AKAP6: variants seen among roughly 807,000 people sequenced by gnomAD.
AKAP6 encodes the protein A-kinase anchor protein 6.
In AKAP6, 58 loss-of-function variants were observed where a neutral mutation model predicts 188.5. The ratio of observed to expected loss-of-function variants is 0.31; its 90% confidence interval spans 0.25 to 0.38. The LOEUF (loss-of-function observed/expected upper bound fraction) is 0.38. AKAP6 is among the 10% of genes least tolerant of loss of function. The pLI is 1.00. For missense variants in AKAP6, 2,710 were observed against 2,740.0 expected (o/e 0.99, Z 0.24); for synonymous variants, 989 against 998.6 (o/e 0.99, Z 0.18).
At chr14:32,536,647 C>A (rs1882691308) in intron 3 of AKAP6, among the ~76,000 whole-genome samples, 1 of 152,074 alleles carries the variant, frequency 6.6e-6, no homozygotes, top group Admixed American at 6.6e-5. Context: ...GAATATTATA[C>A]AAAATATATT....
chr14:32,583,343 T>TCCGGAAGTTTTGTCTCAGAGGAGTA (rs1209558104), intron 5 of AKAP6, among the ~76,000 whole-genome samples: 1 of 152,172 alleles, frequency 6.6e-6, no homozygotes, highest in African/African-American at 2.4e-5. Context: ...TGATCGTTCC[T>TCCGGAAGTTTTGTCTCAGAGGAGTA]CCGGAAGTTT....
In AKAP6 at chr14:32,823,183, CT is replaced by C. The variant is rs1413180412; in HGVS notation, c.5372del (p.Leu1791Ter). On this transcript the variant is annotated frameshift_variant, in exon 13 of 14. Coordinates refer to ENST00000280979, the MANE Select transcript of AKAP6 (RefSeq NM_004274.5). LOFTEE classifies it high-confidence loss of function. ...ATGATGAAATTTATGAAGACTGCAC[CT>C]TGATGTCAGGGCTAGACTACATAAA... ...TDDEIYEDCT[L>X]MSGLDYIKNE... 2 of 1,613,574 alleles carry C rather than the reference CT, an allele frequency of 1.2e-6. No individual in the cohort carries two copies. The highest frequency in any genetic ancestry group is 1.7e-6 in the Non-Finnish European group (2 of 1,179,874).
At chr14:32,371,328 T>G (rs1887999590) in intron 1 of AKAP6, among the ~76,000 whole-genome samples, 1 of 152,180 alleles carries the variant, frequency 6.6e-6, no homozygotes, top group Non-Finnish European at 1.5e-5. Flanking sequence ...TTAACATGTT[T>G]GTATGTTTGG....
chr14:32,740,638 A>G (rs146475423), intron 11 of AKAP6, among the ~76,000 whole-genome samples: 6 of 152,090 alleles, frequency 3.9e-5, no homozygotes, highest in Non-Finnish European at 7.4e-5. Flanking sequence ...TGTCTCTTCC[A>G]CAGTGTATGT....
At chr14:32,707,386 A>C (rs1376683867) in intron 9 of AKAP6, among the ~76,000 whole-genome samples, 1 of 152,080 alleles carries the variant, frequency 6.6e-6, no homozygotes, top group Non-Finnish European at 1.5e-5. Flanking sequence ...TCATTACAAC[A>C]GTATTATCCC....
Position 32,660,296 on chromosome 14 carries a change from T to G in AKAP6, c.2731-18015T>G, listed in dbSNP as rs113619326. Among the ~76,000 whole-genome samples the G allele has an allele frequency of 5.5e-3, 835 of 152,208 alleles. 8 individuals carry two copies. The highest frequency in any genetic ancestry group is 0.019 in the African/African-American group (778 of 41,542). ...GGCAATGGGCCAGGTCTTTATAACT[T>G]GAAGAGCAAAGTCACCAAAGCAGCC... On this transcript the variant is annotated intron_variant, in intron 7 of 13. Transcript: ENST00000280979.
chr14:32,580,788 G>T (rs1218170153), intron 5 of AKAP6, among the ~76,000 whole-genome samples: 1 of 151,768 alleles, frequency 6.6e-6, no homozygotes, highest in Non-Finnish European at 1.5e-5. Context: ...CCACCTATGA[G>T]TGACAACATG....
intron 2 of AKAP6, among the ~76,000 whole-genome samples, chr14:32,486,181 G>A (rs1038254448): frequency 4.0e-4 from 61 of 151,910 alleles, no homozygotes; most frequent in Admixed American, 5.9e-4. Context: ...CTATATATCT[G>A]TTTTTGTACC....
intron 10 of AKAP6, 142 bp downstream of exon 10, chr14:32,732,742 T>A: frequency 1.0e-6 from 1 of 977,798 alleles, no homozygotes; most frequent in Non-Finnish European, 1.5e-6. Context: ...ATTCATGCTA[T>A]TATGGGAAAG....
chr14:32,512,239 T>C lies in AKAP6; in HGVS notation c.325-23315T>C, dbSNP rs182455458. 3.3e-5 allele frequency among the ~76,000 whole-genome samples: 5 copies of C among 152,324 alleles called. No homozygotes were observed. In the East Asian group the frequency reaches 9.6e-4, roughly 29 times the overall value. Reference sequence around the variant, plus strand: ...TATTTACTCAGAGCTAATTTTTTGATTCTGTTTTTCCTTTTGTTTGCCTTC... The same window carrying C: ...TATTTACTCAGAGCTAATTTTTTGACTCTGTTTTTCCTTTTGTTTGCCTTC... On this transcript the variant is annotated intron_variant, in intron 2 of 13. Coordinates refer to ENST00000280979, the MANE Select transcript of AKAP6 (RefSeq NM_004274.5).
intron 7 of AKAP6, among the ~76,000 whole-genome samples, chr14:32,645,939 A>G (rs115990388): frequency 6.6e-6 from 1 of 152,168 alleles, no homozygotes; most frequent in Non-Finnish European, 1.5e-5. Context: ...ATGAAAAACT[A>G]TCTGCTCTAT....
At chr14:32,747,199 A>T (rs1410997153) in intron 11 of AKAP6, among the ~76,000 whole-genome samples, 4 of 152,144 alleles carry the variant, frequency 2.6e-5, no homozygotes, top group Non-Finnish European at 4.4e-5. Context: ...ACTTCCTCTG[A>T]CCCCAAAACC....
chr14:32,618,373 A>G (rs922710021), intron 7 of AKAP6, among the ~76,000 whole-genome samples: 3 of 152,116 alleles, frequency 2.0e-5, no homozygotes, highest in Non-Finnish European at 2.9e-5. Context: ...TGAGTCGCCA[A>G]TGTCTATTGT....
chr14:32,742,262 C>A (rs954497913), intron 11 of AKAP6, among the ~76,000 whole-genome samples: 1 of 151,708 alleles, frequency 6.6e-6, no homozygotes, highest in African/African-American at 2.4e-5. Flanking sequence ...GATCTTCTCT[C>A]TTTTTCTTAG....
At chr14:32,375,724 G>C (rs1322573121) in intron 1 of AKAP6, among the ~76,000 whole-genome samples, 1 of 152,092 alleles carries the variant, frequency 6.6e-6, no homozygotes, top group Non-Finnish European at 1.5e-5. Flanking sequence ...CTATTTTATA[G>C]GTATGCAAAT....
At chr14:32,828,519 TCTCTCTCTCTCACACACA>T (rs1416579335) in intron 13 of AKAP6, among the ~76,000 whole-genome samples, 158 of 34,254 alleles carry the variant, frequency 4.6e-3, no homozygotes, top group African/African-American at 9.3e-3. Context: ...TCTCTCTCTC[TCTCTCTCTCTCACACACA>T]CACACACACA....
At chr14:32,532,253 TTGTAATG>T (rs982560159) in intron 2 of AKAP6, among the ~76,000 whole-genome samples, 1 of 152,230 alleles carries the variant, frequency 6.6e-6, no homozygotes, top group Admixed American at 6.5e-5. Context: ...GTTGAAGATT[TTGTAATG>T]TGTTTATTTG....
chr14:32,481,310 C>A (rs1159428377), intron 2 of AKAP6, among the ~76,000 whole-genome samples: 3 of 152,218 alleles, frequency 2.0e-5, no homozygotes, highest in African/African-American at 4.8e-5. Flanking sequence ...CAGAGGCAAT[C>A]ATTGCTATCA....
At position 32,452,810 on chromosome 14, in the gene AKAP6, G is replaced by C. The variant is rs78742256; in HGVS notation, c.324+18993G>C. 2.4e-4 allele frequency among the ~76,000 whole-genome samples: 37 copies of C among 152,264 alleles called. 1 individual carries two copies. The East Asian group carries it at 6.6e-3, about 27-fold the overall frequency. ...GGGGCAAGTGACTGAAATTCTCTAA[G>C]TCTCATTTAATTTTTCTGTTCAAAA... On this transcript the variant is annotated intron_variant, in intron 2 of 13. Transcript: ENST00000280979.
Sources: gnomAD v4.1 joint callset for allele counts (sites outside exome capture counted in the v4.1 genomes callset) on GRCh38, gnomAD v4.1.1 for gene constraint, MANE v1.5 for transcripts, NCBI Gene and HGNC (gene_info 2026-07-23, HGNC 2026-07-21) for gene names.